MEI4: variants seen among roughly 807,000 people sequenced by gnomAD.
MEI4 encodes meiotic double-stranded break formation protein 4.
A neutral mutation model predicts 31.4 loss-of-function variants in MEI4; 27 were observed. The ratio of observed to expected loss-of-function variants is 0.86; its 90% CI spans 0.63 to 1.19. The LOEUF (loss-of-function observed/expected upper bound fraction) is 1.19. MEI4 is among the 50% of genes most tolerant of loss of function. The probability of loss-of-function intolerance (pLI) is 0.00; values close to 1 mark genes in which losing one functional copy is unlikely to be tolerated. For synonymous variants in MEI4, 122 were observed against 145.4 expected (o/e 0.84, Z 1.16); for missense variants, 329 against 398.9 (o/e 0.82, Z 1.49).
intron 2 of MEI4, among the ~76,000 whole-genome samples, chr6:77,728,745 A>T (rs1766891661): frequency 6.6e-6 from 1 of 152,184 alleles, no homozygotes; most frequent in Non-Finnish European, 1.5e-5. Flanking sequence ...AGTGAGCAGA[A>T]ACAGCCAGTG....
intron 3 of MEI4, among the ~76,000 whole-genome samples, chr6:77,793,790 AC>A (rs1229563120): frequency 6.6e-6 from 1 of 152,136 alleles, no homozygotes; most frequent in African/African-American, 2.4e-5. Flanking sequence ...TCTAATTGAT[AC>A]AGAAAAAATT....
intron 4 of MEI4, among the ~76,000 whole-genome samples, chr6:77,833,103 T>C (rs1428304793): frequency 6.6e-6 from 1 of 152,138 alleles, no homozygotes; most frequent in African/African-American, 2.4e-5. Flanking sequence ...TATTGTCTTT[T>C]CTTTATCAAT....
intron 3 of MEI4, among the ~76,000 whole-genome samples, chr6:77,799,307 G>A (rs1313819172): frequency 6.6e-6 from 1 of 152,144 alleles, no homozygotes; most frequent in Non-Finnish European, 1.5e-5. Context: ...AGAAGTGTCT[G>A]TTCATGTCCT....
chr6:77,771,407 TA>T (rs1411284023), intron 3 of MEI4, among the ~76,000 whole-genome samples: 1 of 152,072 alleles, frequency 6.6e-6, no homozygotes, highest in African/African-American at 2.4e-5. Flanking sequence ...AAAAAGGAAT[TA>T]CTATTTTACC....
At chr6:77,854,569 A>T (rs1207977679) in intron 4 of MEI4, among the ~76,000 whole-genome samples, 3 of 152,146 alleles carry the variant, frequency 2.0e-5, no homozygotes, top group South Asian at 2.1e-4. Context: ...GAGGAAAAAA[A>T]TGTGTCCAAT....
chr6:77,735,577 G>C (rs1767169927), intron 2 of MEI4, among the ~76,000 whole-genome samples: 1 of 151,978 alleles, frequency 6.6e-6, no homozygotes, highest in Non-Finnish European at 1.5e-5. Flanking sequence ...CCTTCGGTTT[G>C]AATGTCCTCC....
chr6:77,726,442 G>T (rs1484611316), intron 2 of MEI4, among the ~76,000 whole-genome samples: 1 of 152,112 alleles, frequency 6.6e-6, no homozygotes, highest in Admixed American at 6.6e-5. Context: ...AGAAAACTGC[G>T]GGCATGTGGT....
chr6:77,899,019 G>A (rs1241183088), intron 4 of MEI4, among the ~76,000 whole-genome samples: 2 of 151,918 alleles, frequency 1.3e-5, no homozygotes, highest in African/African-American at 4.8e-5. Context: ...TTGCCATCGG[G>A]AATACGACTC....
chr6:77,924,193 ATATGTTACATTTCC>A lies in MEI4; in HGVS notation c.*851_*864del, dbSNP rs1766788143. 1 of 151,848 alleles carries A rather than the reference ATATGTTACATTTCC, an allele frequency of 6.6e-6. No homozygotes were observed. 9.4% of individuals were successfully genotyped at this position (151,848 alleles called of 1,614,324 possible). On this transcript the variant is annotated 3_prime_UTR_variant, in exon 5 of 5. Transcript: ENST00000684080. ...AATCATAACCGCAAACTTAATGAGCATATGTTACATTTCCTATAGTGCCATTTAGGGAACACAAA... is the reference window on the plus strand; with the variant it reads ...AATCATAACCGCAAACTTAATGAGCATATAGTGCCATTTAGGGAACACAAA...
intron 3 of MEI4, among the ~76,000 whole-genome samples, chr6:77,825,156 T>TG (rs2127710011): frequency 6.6e-6 from 1 of 152,306 alleles, no homozygotes; most frequent in East Asian, 1.9e-4. Context: ...AGGATAAAAA[T>TG]GATTTTTATA....
chr6:77,676,202 T>G (rs1212071502), intron 1 of MEI4, among the ~76,000 whole-genome samples: 1 of 152,212 alleles, frequency 6.6e-6, no homozygotes, highest in Non-Finnish European at 1.5e-5. Flanking sequence ...CCTCTTAATT[T>G]ATCCATCATC....
intron 4 of MEI4, among the ~76,000 whole-genome samples, chr6:77,914,263 G>T (rs1272283350): frequency 1.3e-5 from 2 of 151,360 alleles, no homozygotes; most frequent in East Asian, 3.9e-4. Context: ...TACTGCTTTT[G>T]CTATATCCCA....
At chr6:77,837,929 A>G (rs1353361614) in intron 4 of MEI4, among the ~76,000 whole-genome samples, 1 of 152,264 alleles carries the variant, frequency 6.6e-6, no homozygotes, top group South Asian at 2.1e-4. Flanking sequence ...AATCGTTTTA[A>G]GCCTCAGTTT....
At chr6:77,798,725 G>A (rs1769157783) in intron 3 of MEI4, among the ~76,000 whole-genome samples, 1 of 144,514 alleles carries the variant, frequency 6.9e-6, no homozygotes, top group Non-Finnish European at 1.5e-5. Context: ...TCCCACCTAT[G>A]AGTGAGAATA....
At chr6:77,792,272 G>GT (rs1768957220) in intron 3 of MEI4, among the ~76,000 whole-genome samples, 1 of 152,076 alleles carries the variant, frequency 6.6e-6, no homozygotes, top group South Asian at 2.1e-4. Context: ...GAGAATATAT[G>GT]TTTTTTCAAA....
intron 2 of MEI4, among the ~76,000 whole-genome samples, chr6:77,728,859 G>A (rs1291068896): frequency 6.6e-6 from 1 of 152,178 alleles, no homozygotes; most frequent in Non-Finnish European, 1.5e-5. Context: ...AATACAGTGG[G>A]AATTCTTTGG....
chr6:77,914,707 A>G lies in MEI4; in HGVS notation c.901-8382A>G, dbSNP rs555267658. ...CCCAACTATTAGAGTATTGTAACCT[A>G]TCTCTCCCCTTAGATCTAATAATAT... On this transcript the variant is annotated intron_variant, in intron 4 of 4. Transcript: ENST00000684080. Among the ~76,000 whole-genome samples, 30 of 152,182 alleles carry G rather than the reference A, an allele frequency of 2.0e-4. No homozygotes were observed. The South Asian group carries it at 5.8e-3, about 29-fold the overall frequency.
At chr6:77,832,944 T>G (rs1162024513) in intron 4 of MEI4, among the ~76,000 whole-genome samples, 3 of 152,146 alleles carry the variant, frequency 2.0e-5, no homozygotes, top group Non-Finnish European at 4.4e-5. Context: ...TGAATCAGAT[T>G]TTTGAAAGGT....
chr6:77,669,279 A>T (rs2127645057), intron 1 of MEI4, among the ~76,000 whole-genome samples: 1 of 152,280 alleles, frequency 6.6e-6, no homozygotes, highest in South Asian at 2.1e-4. Context: ...ACACATCAAA[A>T]ACACAGATGA....
Sources: allele counts gnomAD v4.1 joint callset (sites outside exome capture counted in the v4.1 genomes callset), GRCh38; gene constraint gnomAD v4.1.1; transcripts MANE v1.5; gene names NCBI Gene and HGNC (gene_info 2026-07-23, HGNC 2026-07-21).